DYNC2LI1: variants seen among roughly 807,000 people sequenced by gnomAD.
The protein encoded by DYNC2LI1 is cytoplasmic dynein 2 light intermediate chain 1.
DYNC2LI1 carries 45 observed loss-of-function variants against 51.9 expected under a neutral mutation model. The observed-to-expected ratio is 0.87, with a 90% CI of 0.68 to 1.11. The LOEUF is 1.11. Among genes scored for constraint, DYNC2LI1 ranks in the 50% most tolerant of loss-of-function variants. The pLI is 0.00. For missense variants in DYNC2LI1, 490 were observed against 417.4 expected, an observed-to-expected ratio of 1.17 and a Z score of -1.51; for synonymous variants, 130 against 137.8, an observed-to-expected ratio of 0.94 and a Z score of 0.40.
At chr2:43,776,201 A>G (rs1673012760) in intron 1 of DYNC2LI1, among the ~76,000 whole-genome samples, 2 of 151,962 alleles carry the variant, frequency 1.3e-5, no homozygotes, top group Non-Finnish European at 2.9e-5. Flanking sequence ...ATTTATTAGT[A>G]GTAGTAGTAG....
chr2:43,810,370 T>C (rs1572730041), downstream of DYNC2LI1: 4 of 985,274 alleles, frequency 4.1e-6, no homozygotes, highest in Middle Eastern at 5.2e-4. Flanking sequence ...ATACCACTTT[T>C]TGAAGAACAG....
the DYNC2LI1 span, chr2:43,822,980 C>T: frequency 1.9e-6 from 3 of 1,609,658 alleles, no homozygotes; most frequent in South Asian, 2.2e-5. Context: ...CACCACCCAG[C>T]TGAAAAAGGG....
chr2:43,822,277 A>G, the DYNC2LI1 span, among the ~76,000 whole-genome samples: 1 of 151,902 alleles, frequency 6.6e-6, no homozygotes, highest in Non-Finnish European at 1.5e-5. Flanking sequence ...CACCTCCTTT[A>G]ACCCCTGCAA....
At chr2:43,820,651 T>A in the DYNC2LI1 span, among the ~76,000 whole-genome samples, 2 of 152,190 alleles carry the variant, frequency 1.3e-5, no homozygotes, top group East Asian at 3.8e-4. Context: ...TTCCACTGAT[T>A]TGACCTTCGT....
chr2:43,789,399 C>G (rs1290653206), intron 4 of DYNC2LI1, among the ~76,000 whole-genome samples: 1 of 152,082 alleles, frequency 6.6e-6, no homozygotes, highest in East Asian at 1.9e-4. Context: ...TTAGGTATTA[C>G]TAGAATTAGG....
downstream of DYNC2LI1, chr2:43,813,125 A>G: frequency 1.6e-6 from 2 of 1,226,330 alleles, no homozygotes; most frequent in Non-Finnish European, 2.4e-6. Flanking sequence ...ACTACCTGCT[A>G]ATGAGATGAT....
chr2:43,780,353 A>C (rs1358623346), intron 2 of DYNC2LI1, among the ~76,000 whole-genome samples: 1 of 152,154 alleles, frequency 6.6e-6, no homozygotes, highest in Admixed American at 6.5e-5. Context: ...GCCAAGACCC[A>C]TGTGGGTGTG....
intron 12 of DYNC2LI1, among the ~76,000 whole-genome samples, 157 bp from the exon 13 acceptor site, chr2:43,809,548 G>C (rs1359892617): frequency 6.6e-6 from 1 of 152,138 alleles, no homozygotes; most frequent in Non-Finnish European, 1.5e-5. Flanking sequence ...TAAGTCCTAA[G>C]CATAATCATT....
intron 8 of DYNC2LI1, among the ~76,000 whole-genome samples, chr2:43,799,561 T>C (rs1413275958): frequency 6.6e-6 from 1 of 152,224 alleles, no homozygotes; most frequent in Non-Finnish European, 1.5e-5. Flanking sequence ...TGAAAGCACA[T>C]TCTAATACTA....
chr2:43,813,151 C>T (rs370772513), downstream of DYNC2LI1: 1 of 1,457,440 alleles, frequency 6.9e-7, no homozygotes, highest in Non-Finnish European at 9.6e-7. Flanking sequence ...ATTTTGAAAA[C>T]AACTATTCCT....
intron 6 of DYNC2LI1, 45 bp from the exon 7 acceptor site, chr2:43,795,845 G>A: frequency 6.9e-7 from 1 of 1,458,492 alleles, no homozygotes; most frequent in Non-Finnish European, 9.6e-7. Flanking sequence ...TAAGCACCTA[G>A]CAATAAAGAA....
chr2:43,790,202 C>T (rs1572705292), intron 5 of DYNC2LI1, among the ~76,000 whole-genome samples: 1 of 152,172 alleles, frequency 6.6e-6, no homozygotes, highest in African/African-American at 2.4e-5. Flanking sequence ...TCTCCGTTTG[C>T]TGACCTTAGA....
rs2288705 is a variant in DYNC2LI1, at chr2:43,789,463, G to A, written c.232-170G>A. On this transcript the variant is annotated intron_variant, in intron 4 of 12. Transcript: ENST00000260605. Reference sequence around the variant, plus strand: ...GAATAGTTCATCATTTTTCTTTAGAGTAGGTGCTTTGATGCATTTTGAGGG... The same window carrying A: ...GAATAGTTCATCATTTTTCTTTAGAATAGGTGCTTTGATGCATTTTGAGGG... Among the ~76,000 whole-genome samples, 25,044 of 152,016 alleles carry A rather than the reference G, an allele frequency of 0.16. 3,063 individuals carry two copies. The highest frequency in any genetic ancestry group is 0.33 in the African/African-American group (13,682 of 41,420).
intron 2 of DYNC2LI1, among the ~76,000 whole-genome samples, chr2:43,778,828 C>A (rs187963885): frequency 1.3e-5 from 2 of 152,166 alleles, no homozygotes; most frequent in Admixed American, 6.5e-5. Flanking sequence ...CTTGTGAAAC[C>A]ACCCCTTTTT....
At chr2:43,790,085 G>A (rs1194241767) in intron 5 of DYNC2LI1, among the ~76,000 whole-genome samples, 2 of 152,176 alleles carry the variant, frequency 1.3e-5, no homozygotes, top group African/African-American at 4.8e-5. Flanking sequence ...TCGGCTCTGA[G>A]TTTTTTCTTC....
At chr2:43,824,423 G>C in the DYNC2LI1 span, 23 of 1,613,658 alleles carry the variant, frequency 1.4e-5, no homozygotes, top group Admixed American at 2.2e-4. Flanking sequence ...ATCCACTGAC[G>C]TCAGGTCCAC....
chr2:43,826,329 G>C, the DYNC2LI1 span: 1 of 1,612,158 alleles, frequency 6.2e-7, no homozygotes, highest in Non-Finnish European at 8.5e-7. Flanking sequence ...CTGCCCCTGT[G>C]ATTCCCAGCT....
chr2:43,808,735 C>T (rs948044801), intron 12 of DYNC2LI1, among the ~76,000 whole-genome samples: 4 of 152,128 alleles, frequency 2.6e-5, no homozygotes, highest in Admixed American at 2.6e-4. Context: ...GTGCTTTTTT[C>T]ATGTGGCACA....
At chr2:43,779,935 C>T (rs1020732130) in intron 2 of DYNC2LI1, among the ~76,000 whole-genome samples, 5 of 152,132 alleles carry the variant, frequency 3.3e-5, no homozygotes, top group Admixed American at 1.3e-4. Context: ...TTACCTGGGG[C>T]AGTCTTTGCT....
Sources: gnomAD v4.1 joint callset for allele counts (sites outside exome capture counted in the v4.1 genomes callset) on GRCh38, gnomAD v4.1.1 for gene constraint, MANE v1.5 for transcripts, NCBI Gene and HGNC (gene_info 2026-07-23, HGNC 2026-07-21) for gene names.